KLHL18: variants seen among roughly 807,000 people sequenced by gnomAD.
KLHL18 encodes the protein kelch-like protein 18.
In KLHL18, 38 loss-of-function variants were observed where a neutral mutation model predicts 58.5. That is an observed-to-expected ratio of 0.65 (90% CI 0.50 to 0.85). The LOEUF (loss-of-function observed/expected upper bound fraction) is 0.85, where lower values mean the gene tolerates loss of function less well. KLHL18 is among the 40% of genes least tolerant of loss of function. The pLI is 0.00. For synonymous variants in KLHL18, 303 were observed against 301.9 expected, an observed-to-expected ratio of 1.00 and a Z score of -0.04; for missense variants, 624 against 778.4, an observed-to-expected ratio of 0.80 and a Z score of 2.36.
chr3:47,338,629 C>G (rs1704038954), intron 7 of KLHL18: 1 of 152,174 alleles, frequency 6.6e-6, no homozygotes, highest in African/African-American at 2.4e-5. Flanking sequence ...TGAGACCAGC[C>G]TGGCCAACAT....
chr3:47,331,020 C>T (rs778700003), intron 4 of KLHL18, among the ~76,000 whole-genome samples: 9 of 151,816 alleles, frequency 5.9e-5, no homozygotes, highest in Non-Finnish European at 2.9e-5. Flanking sequence ...GCGTGAGCCA[C>T]TGTGCCCGGC....
intron 1 of KLHL18, among the ~76,000 whole-genome samples, chr3:47,292,434 A>C (rs1270003110): frequency 6.6e-6 from 1 of 151,874 alleles, no homozygotes; most frequent in Non-Finnish European, 1.5e-5. Flanking sequence ...AGATCGTGCC[A>C]TTGCACTCCA....
intron 1 of KLHL18, among the ~76,000 whole-genome samples, chr3:47,309,910 A>C (rs1229353783): frequency 1.4e-5 from 2 of 139,758 alleles, no homozygotes; most frequent in Non-Finnish European, 3.1e-5. Flanking sequence ...AGAATCAGGC[A>C]GGGAGGTTGC....
intron 1 of KLHL18, among the ~76,000 whole-genome samples, chr3:47,318,027 T>C (rs1703496049): frequency 6.6e-6 from 1 of 151,988 alleles, no homozygotes; most frequent in African/African-American, 2.4e-5. Flanking sequence ...CGCCCACTAA[T>C]TTTTGTATTT....
intron 3 of KLHL18, among the ~76,000 whole-genome samples, chr3:47,329,653 C>T (rs991781317): frequency 2.6e-5 from 4 of 152,200 alleles, no homozygotes; most frequent in Non-Finnish European, 5.9e-5. Context: ...ATTTTCAGTG[C>T]CTGCACTCCT....
intron 1 of KLHL18, among the ~76,000 whole-genome samples, chr3:47,300,441 TA>T (rs1702998745): frequency 2.0e-5 from 3 of 149,696 alleles, no homozygotes; most frequent in Non-Finnish European, 4.4e-5. Context: ...TCTTTATTTT[TA>T]TTTTTTAGTA....
intron 1 of KLHL18, among the ~76,000 whole-genome samples, chr3:47,288,998 G>T (rs939205578): frequency 2.0e-5 from 3 of 152,168 alleles, no homozygotes; most frequent in Non-Finnish European, 2.9e-5. Context: ...TAGGTTTAAT[G>T]AGTTTTTCTT....
At chr3:47,312,596 C>G (rs1254112007) in intron 1 of KLHL18, among the ~76,000 whole-genome samples, 1 of 152,034 alleles carries the variant, frequency 6.6e-6, no homozygotes, top group Non-Finnish European at 1.5e-5. Flanking sequence ...TTTGCATGGG[C>G]CTGTGTAATT....
chr3:47,342,847 C>G lies in KLHL18; in HGVS notation c.1338+17C>G, dbSNP rs1236412681. The G allele has an allele frequency of 6.4e-7, 1 of 1,563,938 alleles. No homozygotes were observed. The highest frequency in any genetic ancestry group is 1.4e-5 in the African/African-American group (1 of 74,016). On this transcript the variant is annotated intron_variant, in intron 9 of 9. Coordinates refer to ENST00000232766, the MANE Select transcript of KLHL18 (RefSeq NM_025010.5). ...TTCAGCAGTGTGAGTCTGGGCTCCC[C>G]CTGGGATAAGGGTACCTACTTCTGT...
chr3:47,339,558 C>T (rs1215199866), intron 7 of KLHL18, among the ~76,000 whole-genome samples: 1 of 150,318 alleles, frequency 6.7e-6, no homozygotes, highest in Admixed American at 6.6e-5. Context: ...GCACAGCAAA[C>T]AGGAGCTGTG....
At chr3:47,314,364 C>T (rs200806145) in intron 1 of KLHL18, among the ~76,000 whole-genome samples, 1 of 152,124 alleles carries the variant, frequency 6.6e-6, no homozygotes, top group East Asian at 1.9e-4. Context: ...AAGCTTTTCA[C>T]AAAAATGTAG....
At chr3:47,291,764 T>C (rs1249202705) in intron 1 of KLHL18, among the ~76,000 whole-genome samples, 1 of 152,262 alleles carries the variant, frequency 6.6e-6, no homozygotes, top group African/African-American at 2.4e-5. Flanking sequence ...AATTGAAGCA[T>C]TTCTTGTTAA....
chr3:47,336,095 T>C (rs1296001148), intron 6 of KLHL18, among the ~76,000 whole-genome samples: 4 of 152,224 alleles, frequency 2.6e-5, no homozygotes, highest in Admixed American at 1.3e-4. Context: ...TTACCTGTTA[T>C]ATCATTTAAT....
Position 47,283,064 on chromosome 3 carries a change from G to T in KLHL18, c.99G>T (p.Arg33=), listed in dbSNP as rs2107558114. The T allele has an allele frequency of 1.3e-6, 2 of 1,592,104 alleles. No individual in the cohort carries two copies. Among genetic ancestry groups the T allele is most frequent in the South Asian group, 2.3e-5 (2 of 87,766 alleles). ...RGYGVMEEIR[R]QGKLCDVTLK... ...ACGGCGTCATGGAGGAGATCCGGCG[G>T]CAGGGCAAGCTGTGCGACGTGACCC... Residue 33 remains arginine (R), a synonymous_variant, in exon 1 of 10, where the codon CGG becomes CGT. Coordinates refer to ENST00000232766, the MANE Select transcript of KLHL18 (RefSeq NM_025010.5).
chr3:47,284,392 AG>A (rs1397756623), intron 1 of KLHL18, among the ~76,000 whole-genome samples: 3 of 134,452 alleles, frequency 2.2e-5, no homozygotes, highest in African/African-American at 8.5e-5. Flanking sequence ...GCTGGAGTGC[AG>A]TGGCGCTATC....
intron 3 of KLHL18, among the ~76,000 whole-genome samples, chr3:47,329,318 C>T (rs1703799087): frequency 6.6e-6 from 1 of 152,084 alleles, no homozygotes; most frequent in African/African-American, 2.4e-5. Flanking sequence ...AGCTCCGCCT[C>T]CTGGGTTCAC....
intron 7 of KLHL18, among the ~76,000 whole-genome samples, chr3:47,339,815 C>A (rs1234141333): frequency 1.3e-5 from 2 of 151,344 alleles, no homozygotes; most frequent in Non-Finnish European, 2.9e-5. Flanking sequence ...ACAATCCCAG[C>A]ACTTTGGGAG....
chr3:47,343,626 C>G lies in KLHL18; in HGVS notation c.1410C>G (p.His470Gln). 1 of 1,614,160 alleles carries G rather than the reference C, an allele frequency of 6.2e-7. No individual in the cohort carries two copies. Among genetic ancestry groups the G allele is most frequent in the Non-Finnish European group, 8.5e-7 (1 of 1,180,036 alleles). ...GCATGCTCAACAAGCGCTGCCGGCA[C>G]GGAGCCGCCTCCCTGGGGAGCAAGA... ...AAGMLNKRCR[H>Q]GAASLGSKMF... Residue 470 changes from histidine to glutamine, a missense_variant, in exon 10 of 10, where the codon CAC (histidine) becomes CAG (glutamine). Physicochemically the swap from His to Gln is conservative, Grantham distance 24. Coordinates refer to ENST00000232766, the MANE Select transcript of KLHL18 (RefSeq NM_025010.5).
chr3:47,338,192 T>C (rs1164725060), intron 7 of KLHL18: 2 of 152,226 alleles, frequency 1.3e-5, no homozygotes, highest in Admixed American at 1.3e-4. Flanking sequence ...CCATAGACCT[T>C]TCTTACACTG....
Sources: gnomAD v4.1 joint callset for allele counts (sites outside exome capture counted in the v4.1 genomes callset) on GRCh38, gnomAD v4.1.1 for gene constraint, MANE v1.5 for transcripts, NCBI Gene and HGNC (gene_info 2026-07-23, HGNC 2026-07-21) for gene names.